The following CDH13 variants were observed in gnomAD, a reference collection of about 807,000 sequenced individuals.
CDH13 encodes cadherin 13.
Under a neutral mutation model 63.8 loss-of-function variants are expected in CDH13, and 24 were observed. That is an observed-to-expected ratio of 0.38 (90% CI 0.27 to 0.53). The LOEUF (loss-of-function observed/expected upper bound fraction) is 0.53, where lower values mean the gene tolerates loss of function less well. CDH13 is among the 20% of genes least tolerant of loss of function. The pLI is 0.85. For missense variants in CDH13, 1,049 were observed against 903.1 expected, an observed-to-expected ratio of 1.16 and a Z score of -2.07; for synonymous variants, 503 against 355.3, an observed-to-expected ratio of 1.42 and a Z score of -4.67.
chr16:83,295,712 C>G (rs1038083153), intron 5 of CDH13, among the ~76,000 whole-genome samples: 5 of 151,994 alleles, frequency 3.3e-5, no homozygotes, highest in Non-Finnish European at 5.9e-5. Context: ...GAACCCTTGC[C>G]CACTGTTGAT....
At chr16:82,806,384 A>G (rs2037144572) in intron 1 of CDH13, among the ~76,000 whole-genome samples, 1 of 152,242 alleles carries the variant, frequency 6.6e-6, no homozygotes, top group Non-Finnish European at 1.5e-5. Flanking sequence ...TACAAAACGT[A>G]TACCAGACAC....
intron 10 of CDH13, among the ~76,000 whole-genome samples, chr16:83,696,849 A>T (rs1905473725): frequency 6.6e-6 from 1 of 152,064 alleles, no homozygotes; most frequent in African/African-American, 2.4e-5. Context: ...CTTAAACTGA[A>T]GCTCAGATCC....
At chr16:83,167,499 CAAAAAAAAA>C (rs11430454) in intron 4 of CDH13, among the ~76,000 whole-genome samples, 6 of 99,544 alleles carry the variant, frequency 6.0e-5, no homozygotes, top group African/African-American at 8.0e-5. Context: ...GACCCTTTCC[CAAAAAAAAA>C]AAAAAAAAAA....
chr16:82,901,358 GTGTGTGTGTC>G (rs1480047418), intron 2 of CDH13, among the ~76,000 whole-genome samples: 4 of 150,258 alleles, frequency 2.7e-5, no homozygotes, highest in East Asian at 1.9e-4. Flanking sequence ...GTGTGTGTGT[GTGTGTGTGTC>G]TGATGATTGG....
intron 7 of CDH13, among the ~76,000 whole-genome samples, chr16:83,579,629 A>G (rs1428869461): frequency 6.6e-6 from 1 of 152,060 alleles, no homozygotes; most frequent in African/African-American, 2.4e-5. Flanking sequence ...TCAGCATGAG[A>G]TTTGGGCGGT....
intron 2 of CDH13, among the ~76,000 whole-genome samples, chr16:82,869,938 C>T (rs529668779): frequency 1.3e-5 from 2 of 152,104 alleles, no homozygotes; most frequent in African/African-American, 2.4e-5. Flanking sequence ...TTTCTTAAGA[C>T]CTGAGAAGCA....
At chr16:82,947,932 C>G (rs1904908175) in intron 2 of CDH13, among the ~76,000 whole-genome samples, 1 of 152,200 alleles carries the variant, frequency 6.6e-6, no homozygotes, top group Admixed American at 6.5e-5. Flanking sequence ...AGTGCCTCAT[C>G]ACTCTGAATT....
At chr16:83,528,872 A>T (rs1164562725) in intron 7 of CDH13, among the ~76,000 whole-genome samples, 3 of 152,142 alleles carry the variant, frequency 2.0e-5, no homozygotes, top group African/African-American at 7.2e-5. Flanking sequence ...CATTATGGTG[A>T]AGGGATCATG....
intron 7 of CDH13, among the ~76,000 whole-genome samples, chr16:83,519,213 AGTCTT>A (rs1311370232): frequency 6.6e-6 from 1 of 152,192 alleles, no homozygotes; most frequent in Non-Finnish European, 1.5e-5. Context: ...AAATACCAGG[AGTCTT>A]GTCTTGTCTC....
At chr16:83,090,244 C>T (rs948529074) in intron 3 of CDH13, among the ~76,000 whole-genome samples, 4 of 152,146 alleles carry the variant, frequency 2.6e-5, no homozygotes, top group Non-Finnish European at 5.9e-5. Context: ...TTCCCTGGTT[C>T]AGACCATCCC....
chr16:83,542,055 C>A (rs1027879859), intron 7 of CDH13, among the ~76,000 whole-genome samples: 3 of 152,184 alleles, frequency 2.0e-5, no homozygotes, highest in African/African-American at 7.2e-5. Flanking sequence ...GGCCATGGGC[C>A]ACCATGGCAT....
chr16:83,351,381 C>T (rs1166727373), intron 6 of CDH13, among the ~76,000 whole-genome samples: 1 of 151,754 alleles, frequency 6.6e-6, no homozygotes, highest in East Asian at 1.9e-4. Flanking sequence ...TCTCCAGTGC[C>T]ACCATCCAGA....
At chr16:83,562,026 A>G (rs2075718262) in intron 7 of CDH13, among the ~76,000 whole-genome samples, 1 of 152,198 alleles carries the variant, frequency 6.6e-6, no homozygotes, top group Non-Finnish European at 1.5e-5. Flanking sequence ...TGAGAAACCC[A>G]TGTCCAGAGA....
intron 6 of CDH13, among the ~76,000 whole-genome samples, chr16:83,469,613 A>C (rs933472561): frequency 6.6e-6 from 1 of 152,148 alleles, no homozygotes; most frequent in African/African-American, 2.4e-5. Context: ...CTGCAAGAAA[A>C]TTCTGTGTGT....
intron 1 of CDH13, among the ~76,000 whole-genome samples, chr16:82,843,001 A>G (rs777382072): frequency 5.3e-5 from 8 of 152,066 alleles, no homozygotes; most frequent in Non-Finnish European, 1.2e-4. Flanking sequence ...ACGCAGCTCC[A>G]CTCATGGGCC....
chr16:83,598,222 G>C (rs1258132655), intron 7 of CDH13, among the ~76,000 whole-genome samples: 1 of 152,080 alleles, frequency 6.6e-6, no homozygotes. Context: ...AAAATTAGCT[G>C]GGTGTGGTGG....
At chr16:83,317,296 T>G (rs1020154299) in intron 5 of CDH13, among the ~76,000 whole-genome samples, 6 of 152,334 alleles carry the variant, frequency 3.9e-5, no homozygotes, top group African/African-American at 1.4e-4. Flanking sequence ...CAAGTTCTGT[T>G]GAAAGCCTTT....
Position 82,971,513 on chromosome 16 carries a change from G to A in CDH13, c.158-60497G>A, listed in dbSNP as rs113014792. ...CAGAGAGATTATGGCCATCTACCAA[G>A]TGCATCGAAGAATAGGCATCTAACC... On this transcript the variant is annotated intron_variant, in intron 2 of 13. Transcript: ENST00000567109. 1.2e-4 allele frequency among the ~76,000 whole-genome samples: 19 copies of A among 152,326 alleles called. 1 individual carries two copies. The highest frequency in any genetic ancestry group is 4.6e-4 in the African/African-American group (19 of 41,572).
At chr16:82,803,341 CTTCTTTATCTCAGAA>C (rs1364567882) in intron 1 of CDH13, among the ~76,000 whole-genome samples, 2 of 152,150 alleles carry the variant, frequency 1.3e-5, no homozygotes, top group Non-Finnish European at 1.5e-5. Flanking sequence ...TTTATTGGGC[CTTCTTTATCTCAGAA>C]TTCAGGAAGG....
Sources: allele counts gnomAD v4.1 joint callset (sites outside exome capture counted in the v4.1 genomes callset), GRCh38; gene constraint gnomAD v4.1.1; transcripts MANE v1.5; gene names NCBI Gene and HGNC (gene_info 2026-07-23, HGNC 2026-07-21).